Variants in DUOXA1 observed in about 807,000 individuals in gnomAD.
DUOXA1 encodes the protein dual oxidase activator 1.
In DUOXA1, 19 loss-of-function variants were observed where a neutral mutation model predicts 26.6. The ratio of observed to expected loss-of-function variants is 0.71; its 90% CI spans 0.50 to 1.05. The LOEUF (loss-of-function observed/expected upper bound fraction) is 1.05, where lower values mean the gene tolerates loss of function less well. Among genes scored for constraint, DUOXA1 ranks in the 50% least tolerant of loss-of-function variants. The probability of loss-of-function intolerance (pLI) is 0.00; values close to 1 mark genes in which losing one functional copy is unlikely to be tolerated. For missense variants in DUOXA1, 403 were observed against 427.5 expected (o/e 0.94, Z 0.51); for synonymous variants, 166 against 177.0 (o/e 0.94, Z 0.49).
At position 45,117,859 on chromosome 15, in the gene DUOXA1, C is replaced by T. The variant is rs1449433473; in HGVS notation, c.*1247G>A. On this transcript the variant is annotated 3_prime_UTR_variant, in exon 9 of 9. Coordinates refer to ENST00000560572, the MANE Select transcript of DUOXA1 (RefSeq NM_001276266.2). Reference sequence around the variant, plus strand: ...ACCTCTTATCCTCGGCGACCCACTGCACAAGCAGGCCGCTCTCCCAGACTT... The same window carrying T: ...ACCTCTTATCCTCGGCGACCCACTGTACAAGCAGGCCGCTCTCCCAGACTT... 7 of 1,613,736 alleles carry T rather than the reference C, an allele frequency of 4.3e-6. No homozygotes were observed. Among genetic ancestry groups the T allele is most frequent in the Non-Finnish European group, 5.9e-6 (7 of 1,180,046 alleles).
chr15:45,119,514 G>A, intron 8 of DUOXA1, 149 bp from the exon 9 acceptor site: 1 of 1,290,470 alleles, frequency 7.7e-7, no homozygotes, highest in East Asian at 2.6e-5. Flanking sequence ...TGGCTGAGGG[G>A]CATGTGGCTG....
At chr15:45,124,296 A>G (rs1379932217) in intron 3 of DUOXA1, among the ~76,000 whole-genome samples, 3 of 152,158 alleles carry the variant, frequency 2.0e-5, no homozygotes, top group Non-Finnish European at 4.4e-5. Context: ...TTGAGATAGT[A>G]ATGTCTATCT....
chr15:45,125,744 TA>T (rs777405064), intron 3 of DUOXA1, among the ~76,000 whole-genome samples: 1 of 152,206 alleles, frequency 6.6e-6, no homozygotes, highest in Non-Finnish European at 1.5e-5. Flanking sequence ...GTGGCTCCTC[TA>T]CTAGTTCTTT....
rs753497230 is a variant in DUOXA1 at position 45,118,034 on chromosome 15, C to A, written c.*1072G>T. 13 of 1,595,730 alleles carry A rather than the reference C, an allele frequency of 8.1e-6. No individual in the cohort carries two copies. The East Asian group carries it at 2.7e-4, about 33-fold the overall frequency. ...AGCGCTGCTGGCGCGAGGCCTCGGA[C>A]ATCCGCAGGCACCAGGGAAAGTCTC... On this transcript the variant is annotated 3_prime_UTR_variant, in exon 9 of 9. Coordinates refer to ENST00000560572, the MANE Select transcript of DUOXA1 (RefSeq NM_001276266.2).
Position 45,117,917 on chromosome 15 carries a change from C to T in DUOXA1, c.*1189G>A. The T allele has an allele frequency of 6.2e-7, 1 of 1,613,286 alleles. No individual in the cohort carries two copies. The highest frequency in any genetic ancestry group is 8.5e-7 in the Non-Finnish European group (1 of 1,180,026). On this transcript the variant is annotated 3_prime_UTR_variant, in exon 9 of 9. Transcript: ENST00000560572. ...ATCACCACTAACCTGTGAGGGGGAC[C>T]CAATCTGGACTCCTTCCCCGCCTTG...
At chr15:45,127,765 G>A (rs1178889237) in intron 3 of DUOXA1, among the ~76,000 whole-genome samples, 1 of 152,128 alleles carries the variant, frequency 6.6e-6, no homozygotes, top group Non-Finnish European at 1.5e-5. Context: ...GTTTTAATGT[G>A]AGAAAATCTC....
chr15:45,123,478 T>C (rs991321758), intron 3 of DUOXA1, among the ~76,000 whole-genome samples: 2 of 152,248 alleles, frequency 1.3e-5, no homozygotes, highest in South Asian at 4.1e-4. Context: ...TACAAAAAGA[T>C]TGGCTTTCTT....
chr15:45,120,244 A>G lies in DUOXA1; in HGVS notation c.631T>C (p.Leu211=). ...PVLVYGGYML[L]ATGIFQLLAL... is the part of the protein sequence containing the mutation. ...AACAGCTGGAAGATGCCCGTGGCCAATAGCATGTAGCCACCATATACCAGC... is the reference window on the plus strand; with the variant it reads ...AACAGCTGGAAGATGCCCGTGGCCAGTAGCATGTAGCCACCATATACCAGC... Residue 211 remains leucine (L), a synonymous_variant, in exon 8 of 9, where the codon TTG becomes CTG. Transcript: ENST00000560572. 6.2e-7 allele frequency: 1 copy of G among 1,614,144 alleles called. No individual in the cohort carries two copies. Among genetic ancestry groups the G allele is most frequent in the Non-Finnish European group, 8.5e-7 (1 of 1,180,004 alleles).
intron 3 of DUOXA1, among the ~76,000 whole-genome samples, chr15:45,125,284 A>G (rs911648165): frequency 3.3e-5 from 5 of 152,016 alleles, no homozygotes; most frequent in Admixed American, 2.0e-4. Context: ...TGCCTTCTCC[A>G]CCACCTTTAT....
At position 45,122,176 on chromosome 15, in the gene DUOXA1, C is replaced by T. The variant is rs76028914; in HGVS notation, c.205+9G>A. 2.8e-5 allele frequency: 45 copies of T among 1,595,236 alleles called. No individual in the cohort carries two copies. The highest frequency in any genetic ancestry group is 2.3e-4 in the African/African-American group (17 of 74,836). ...GCAGCAGCCCAAGTCAGCTGCACTT[C>T]GCACTCACCCAGGATTGCAGCCCCG... On this transcript the variant is annotated intron_variant, in intron 5 of 8. Transcript: ENST00000560572.
chr15:45,122,900 T>C lies in DUOXA1; in HGVS notation c.115A>G (p.Ile39Val), dbSNP rs1178285317. The change falls in exon 4 of 9, where the codon ATC becomes GTC. Residue 39 changes from isoleucine (I) to valine (V), a missense_variant. By Grantham distance (29) the Ile-to-Val change is conservative. Coordinates refer to ENST00000560572, the MANE Select transcript of DUOXA1 (RefSeq NM_001276266.2). ...MIFLTALATF[I>V]VILPGIRGKT... ...CCCCGAATGCCAGGCAGGATGACGATGAACGTGGCCAGTGCAGTCAGAAAG... is the reference window on the plus strand; with the variant it reads ...CCCCGAATGCCAGGCAGGATGACGACGAACGTGGCCAGTGCAGTCAGAAAG... 1.2e-6 allele frequency: 2 copies of C among 1,612,172 alleles called. No individual in the cohort carries two copies. The highest frequency in any genetic ancestry group is 1.7e-6 in the Non-Finnish European group (2 of 1,179,324).
At chr15:45,123,078 T>A (rs577063766) in intron 3 of DUOXA1, 35 bp from the exon 4 acceptor site, 11 of 1,525,590 alleles carry the variant, frequency 7.2e-6, no homozygotes, top group Admixed American at 5.9e-5. Context: ...TTGCATGCCC[T>A]CAATGTACCT....
At chr15:45,119,916 A>AG (rs998016809) in intron 8 of DUOXA1, among the ~76,000 whole-genome samples, 187 bp downstream of exon 8, 17 of 141,656 alleles carry the variant, frequency 1.2e-4, no homozygotes, top group East Asian at 2.1e-4. Flanking sequence ...ATCTCTGAGG[A>AG]GGGGGGGGAA....
chr15:45,117,452 CATTT>C lies in DUOXA1; in HGVS notation c.*1650_*1653del. ...TCGCAGAAACAGGCACTGTTATGAC[CATTT>C]TACAGATGAAAAGTGGGGGGCTCAG... is the stretch of plus-strand genomic sequence containing the variant. On this transcript the variant is annotated 3_prime_UTR_variant, in exon 9 of 9. Coordinates refer to ENST00000560572, the MANE Select transcript of DUOXA1 (RefSeq NM_001276266.2). 6.5e-7 allele frequency: 1 copy of C among 1,544,058 alleles called. No individual in the cohort carries two copies. Among genetic ancestry groups the C allele is most frequent in the Non-Finnish European group, 8.8e-7 (1 of 1,142,592 alleles).
chr15:45,118,660 G>A lies in DUOXA1; in HGVS notation c.*446C>T, dbSNP rs926181761. ...ATTGTACCAAAAGGCCACACAAGCTGGAGAAGTAAAGGAAGAACAAAAGGA... is the reference window on the plus strand; with the variant it reads ...ATTGTACCAAAAGGCCACACAAGCTAGAGAAGTAAAGGAAGAACAAAAGGA... On this transcript the variant is annotated 3_prime_UTR_variant, in exon 9 of 9. Transcript: ENST00000560572. The A allele has an allele frequency of 1.4e-5, 14 of 991,720 alleles. No homozygotes were observed. Among genetic ancestry groups the A allele is most frequent in the Middle Eastern group, 5.1e-4 (1 of 1,944 alleles). The allele number at this position is 991,720 out of a possible 1,614,324, so 61.4% of individuals were successfully genotyped here.
Position 45,118,121 on chromosome 15 carries a change from A to C in DUOXA1, c.*985T>G, listed in dbSNP as rs1018422410. The C allele has an allele frequency of 1.6e-5, 23 of 1,452,552 alleles. No individual in the cohort carries two copies. Among genetic ancestry groups the C allele is most frequent in the Non-Finnish European group, 2.1e-5 (23 of 1,107,428 alleles). The allele number at this position is 1,452,552 out of a possible 1,614,324, so 90.0% of individuals were successfully genotyped here. ...TTTTTTAAAAACTGTTTTTCCCATTAATTTTCATGGCTTCTCCGCGCCGGG... is the reference window on the plus strand; with the variant it reads ...TTTTTTAAAAACTGTTTTTCCCATTCATTTTCATGGCTTCTCCGCGCCGGG... On this transcript the variant is annotated 3_prime_UTR_variant, in exon 9 of 9. Coordinates refer to ENST00000560572, the MANE Select transcript of DUOXA1 (RefSeq NM_001276266.2).
chr15:45,118,295 C>G lies in DUOXA1; in HGVS notation c.*811G>C. On this transcript the variant is annotated 3_prime_UTR_variant, in exon 9 of 9. Transcript: ENST00000560572. ...GGACCCTACCAGAGCTAGCATCTTT[C>G]TGAACCACCCCAGGGGGACGTTAGG... 7.6e-7 allele frequency: 1 copy of G among 1,316,408 alleles called. No homozygotes were observed. Among genetic ancestry groups the G allele is most frequent in the Non-Finnish European group, 9.7e-7 (1 of 1,036,160 alleles). 81.5% of individuals were successfully genotyped at this position (1,316,408 alleles called of 1,614,324 possible).
At chr15:45,120,918 G>A in intron 6 of DUOXA1, 113 bp from the exon 7 acceptor site, 6 of 1,493,412 alleles carry the variant, frequency 4.0e-6, no homozygotes, top group Non-Finnish European at 5.5e-6. Flanking sequence ...CTGAGAGAAG[G>A]TAGCTTCCAA....
chr15:45,119,570 C>G (rs561808970), intron 8 of DUOXA1, among the ~76,000 whole-genome samples: 69 of 152,010 alleles, frequency 4.5e-4, no homozygotes, highest in Middle Eastern at 3.4e-3. Flanking sequence ...GCCCAGTGCT[C>G]CTTCTGTTAT....
Sources: allele counts gnomAD v4.1 joint callset (sites outside exome capture counted in the v4.1 genomes callset), GRCh38; gene constraint gnomAD v4.1.1; transcripts MANE v1.5; gene names NCBI Gene and HGNC (gene_info 2026-07-23, HGNC 2026-07-21).